MAGEB6: variants seen among roughly 807,000 people sequenced by gnomAD.
MAGEB6 encodes melanoma-associated antigen B6.
For missense variants in MAGEB6, 327 were observed against 329.7 expected (o/e 0.99, Z 0.06); for synonymous variants, 128 against 136.2 (o/e 0.94, Z 0.42).
chrX:26,193,268 A>G (rs371601779), intron 1 of MAGEB6, among the ~76,000 whole-genome samples: 2 of 107,872 alleles, frequency 1.9e-5, no homozygotes, highest in African/African-American at 3.4e-5. Context: ...ATATGTATAC[A>G]TGTGCCATGC....
chrX:26,195,149 CT>C lies in MAGEB6; in HGVS notation c.*80del, dbSNP rs995949310. 9.2e-7 allele frequency: 1 copy of C among 1,086,639 alleles called. No individual in the cohort carries two copies. Among genetic ancestry groups the C allele is most frequent in the Non-Finnish European group, 1.2e-6 (1 of 808,966 alleles). The allele number at this position is 1,086,639 out of a possible 1,213,427, so 89.6% of individuals were successfully genotyped here. A position where few individuals can be genotyped will look rare whatever the true frequency, so the allele number is the denominator to read the frequency against. On this transcript the variant is annotated 3_prime_UTR_variant, in exon 2 of 2. Coordinates refer to ENST00000379034, the MANE Select transcript of MAGEB6 (RefSeq NM_173523.2). ...CAGATCCTCCCATTTCTAGGGAGGT[CT>C]GAAGTAGAATTTTCACTTTATGTTA...
Position 26,194,157 on chromosome X carries a change from A to G in MAGEB6, c.311A>G (p.Gln104Arg). ...ACCTCCCGTGATGCCTCCGTTCCTC[A>G]GGAGTCTCAGGGAGCTTCACCCACT... ...PSTSRDASVP[Q>R]ESQGASPTGS... Residue 104 changes from glutamine to arginine, a missense_variant, in exon 2 of 2, where the codon CAG (glutamine) becomes CGG (arginine). Transcript: ENST00000379034. 5 of 1,172,206 alleles carry G rather than the reference A, an allele frequency of 4.3e-6. No homozygotes were observed. The Middle Eastern group carries it at 1.2e-3, about 276-fold the overall frequency.
At position 26,194,700 on chromosome X, in the gene MAGEB6, C is replaced by T. The variant is rs774043480; in HGVS notation, c.854C>T (p.Ser285Leu). 7 of 1,211,250 alleles carry T rather than the reference C, an allele frequency of 5.8e-6. No individual in the cohort carries two copies. Among genetic ancestry groups the T allele is most frequent in the South Asian group, 3.5e-5 (2 of 56,930 alleles). ...ILSGDNALPK[S>L]GLLMSLLVVI... is the part of the protein sequence containing the mutation. Reference sequence around the variant, plus strand: ...AGTGGTGATAATGCGCTGCCGAAGTCGGGTCTCCTGATGTCGCTCCTGGTT... The same window carrying T: ...AGTGGTGATAATGCGCTGCCGAAGTTGGGTCTCCTGATGTCGCTCCTGGTT... Residue 285 changes from serine to leucine, a missense_variant, in exon 2 of 2, where the codon TCG becomes TTG. Ser to Leu is a moderately radical substitution (Grantham distance 145). Transcript: ENST00000379034.
In MAGEB6 at chrX:26,193,980, C is replaced by A; in HGVS notation, c.134C>A (p.Ser45Tyr). ...QEESHSSSSS[S>Y]RACLGDCRRS... Reference sequence around the variant, plus strand: ...GAGTCCCACTCTTCCTCATCCTCTTCTCGCGCTTGTCTGGGTGATTGTCGT... The same window carrying A: ...GAGTCCCACTCTTCCTCATCCTCTTATCGCGCTTGTCTGGGTGATTGTCGT... The change falls in exon 2 of 2, where the codon TCT becomes TAT. Residue 45 changes from serine to tyrosine, a missense_variant. Ser to Tyr is a moderately radical substitution (Grantham distance 144). Coordinates refer to ENST00000379034, the MANE Select transcript of MAGEB6 (RefSeq NM_173523.2). The A allele has an allele frequency of 8.3e-7, 1 of 1,211,835 alleles. No homozygotes were observed. Among genetic ancestry groups the A allele is most frequent in the South Asian group, 1.8e-5 (1 of 56,941 alleles).
At position 26,194,528 on chromosome X, in the gene MAGEB6, G is replaced by C. The variant is rs1394199596; in HGVS notation, c.682G>C (p.Glu228Gln). Residue 228 changes from glutamate (E) to glutamine (Q), a missense_variant, in exon 2 of 2, where the codon GAG (glutamate) becomes CAG (glutamine). Coordinates refer to ENST00000379034, the MANE Select transcript of MAGEB6 (RefSeq NM_173523.2). Reference sequence around the variant, plus strand: ...AGACATGCTGAAGTGTGTCCGCAGAGAGTACAAGCCCTACTTCCCTCAGAT... The same window carrying C: ...AGACATGCTGAAGTGTGTCCGCAGACAGTACAAGCCCTACTTCCCTCAGAT... ...KADMLKCVRR[E>Q]YKPYFPQILN... is the part of the protein sequence containing the mutation. 1 of 1,211,688 alleles carries C rather than the reference G, an allele frequency of 8.3e-7. No individual in the cohort carries two copies. The highest frequency in any genetic ancestry group is 1.8e-5 in the South Asian group (1 of 56,925).
At position 26,194,107 on chromosome X, in the gene MAGEB6, C is replaced by T. The variant is rs766167073; in HGVS notation, c.261C>T (p.Asn87=). 2 of 1,201,064 alleles carry T rather than the reference C, an allele frequency of 1.7e-6. No individual in the cohort carries two copies. Among genetic ancestry groups the T allele is most frequent in the Non-Finnish European group, 2.2e-6 (2 of 890,318 alleles). Residue 87 remains asparagine, a synonymous_variant, in exon 2 of 2, where the codon AAC becomes AAT. Transcript: ENST00000379034. ...VSYSKSDVAA[N]GQDEKSPSTS... is the part of the protein sequence containing the mutation. ...ATTCAAAATCCGATGTGGCTGCCAACGGCCAAGATGAGAAAAGTCCAAGCA... is the reference window on the plus strand; with the variant it reads ...ATTCAAAATCCGATGTGGCTGCCAATGGCCAAGATGAGAAAAGTCCAAGCA...
In MAGEB6 at chrX:26,194,266, T is replaced by G; in HGVS notation, c.420T>G (p.His140Gln). ...ATGAGAAAAGTCCAAGCACTTCCCA[T>G]GATGTCTCCGTTCCTCAGGAGTCTC... ...GQDEKSPSTS[H>Q]DVSVPQESQG... Residue 140 changes from histidine (H) to glutamine (Q), a missense_variant, in exon 2 of 2, where the codon CAT becomes CAG. By Grantham distance (24) the His-to-Gln change is conservative (BLOSUM62 0). Transcript: ENST00000379034. The G allele has an allele frequency of 8.3e-7, 1 of 1,207,716 alleles. No individual in the cohort carries two copies. The highest frequency in any genetic ancestry group is 1.1e-6 in the Non-Finnish European group (1 of 894,313).
chrX:26,193,675 G>T, intron 1 of MAGEB6, 111 bp from the exon 2 acceptor site: 1 of 421,569 alleles, frequency 2.4e-6, no homozygotes, highest in East Asian at 3.9e-5. Context: ...GGAGTCCTGT[G>T]GGTTCCTAGA....
In MAGEB6 at chrX:26,194,411, C is replaced by T. The variant is rs142927857; in HGVS notation, c.565C>T (p.Arg189Cys). 499 of 1,210,355 alleles carry T rather than the reference C, an allele frequency of 4.1e-4. No homozygotes were observed. Among genetic ancestry groups the T allele is most frequent in the Non-Finnish European group, 5.2e-4 (464 of 895,332 alleles). The change falls in exon 2 of 2, where the codon CGC becomes TGC. Residue 189 changes from arginine (R) to cysteine (C), a missense_variant. Physicochemically the swap from Arg to Cys is radical, Grantham distance 180. Transcript: ENST00000379034. ...CTCACAGAAAGCCATCATTTTTAAG[C>T]GCTTAAGCAAAGATGCTGTAAAGAA... ...SASQKAIIFK[R>C]LSKDAVKKKA...
chrX:26,193,757 T>C (rs1929143451), intron 1 of MAGEB6, 29 bp from the exon 2 acceptor site: 1 of 1,015,264 alleles, frequency 9.8e-7, no homozygotes, highest in South Asian at 2.5e-5. Flanking sequence ...GCTGAAGATA[T>C]TGACGTGACG....
chrX:26,194,123 A>G lies in MAGEB6; in HGVS notation c.277A>G (p.Ser93Gly). ...GGCTGCCAACGGCCAAGATGAGAAA[A>G]GTCCAAGCACCTCCCGTGATGCCTC... ...DVAANGQDEK[S>G]PSTSRDASVP... The change falls in exon 2 of 2, where the codon AGT becomes GGT. Residue 93 changes from serine (S) to glycine (G), a missense_variant. By Grantham distance (56) the Ser-to-Gly change is moderately conservative. Transcript: ENST00000379034. The G allele has an allele frequency of 8.4e-7, 1 of 1,196,581 alleles. No individual in the cohort carries two copies. The highest frequency in any genetic ancestry group is 1.1e-6 in the Non-Finnish European group (1 of 885,373).
Position 26,195,025 on chromosome X carries a change from C to T in MAGEB6, c.1179C>T (p.Asp393=), listed in dbSNP as rs759811799. ...GTTTATACCCACATCTGTATGAAGA[C>T]GCTTTGATAGATGAGGTAGAGAGAG... is the stretch of plus-strand genomic sequence containing the variant. ...SPGLYPHLYE[D]ALIDEVERAL... The change falls in exon 2 of 2, where the codon GAC becomes GAT. Residue 393 remains aspartate, a synonymous_variant. Coordinates refer to ENST00000379034, the MANE Select transcript of MAGEB6 (RefSeq NM_173523.2). The T allele has an allele frequency of 6.5e-5, 79 of 1,209,023 alleles. No individual in the cohort carries two copies. Among genetic ancestry groups the T allele is most frequent in the Admixed American group, 2.4e-4 (11 of 45,633 alleles).
Position 26,194,931 on chromosome X carries a change from G to A in MAGEB6, c.1085G>A (p.Arg362Gln), listed in dbSNP as rs1460744764. The change falls in exon 2 of 2, where the codon CGA becomes CAA. Residue 362 changes from arginine (R) to glutamine (Q), a missense_variant. Arg to Gln is a conservative substitution (Grantham distance 43, BLOSUM62 1). Coordinates refer to ENST00000379034, the MANE Select transcript of MAGEB6 (RefSeq NM_173523.2). ...PPCYEFLWGPRAYAETTKMRV... is the reference protein window; with the variant it reads ...PPCYEFLWGPQAYAETTKMRV... ...TGCTATGAGTTCCTGTGGGGTCCAC[G>A]AGCCTATGCTGAAACCACCAAGATG... The A allele has an allele frequency of 5.0e-6, 6 of 1,209,956 alleles. No homozygotes were observed. The highest frequency in any genetic ancestry group is 5.9e-5 in the East Asian group (2 of 33,773).
rs1292577559 is a variant in MAGEB6 at position 26,195,626 on chromosome X, T to A, written c.*556T>A. 1 of 124,211 alleles carries A rather than the reference T, an allele frequency of 8.1e-6. No individual in the cohort carries two copies. Among genetic ancestry groups the A allele is most frequent in the Non-Finnish European group, 1.9e-5 (1 of 53,791 alleles). 10.2% of individuals were successfully genotyped at this position (124,211 alleles called of 1,213,427 possible). A position where few individuals can be genotyped will look rare whatever the true frequency, so the allele number is the denominator to read the frequency against. ...TATTTCTTTTCATACAAATAAAGGA[T>A]ACCTGGATTTATTTAGGTTATTAAG... On this transcript the variant is annotated 3_prime_UTR_variant, in exon 2 of 2. Transcript: ENST00000379034.
chrX:26,195,255 A>T lies in MAGEB6; in HGVS notation c.*185A>T. On this transcript the variant is annotated 3_prime_UTR_variant, in exon 2 of 2. Transcript: ENST00000379034. ...AAGATATGTATCTTTCTTTTGTTAC[A>T]CATGAGTAACTTGCAGATTTATGTT... The T allele has an allele frequency of 3.1e-6, 1 of 321,845 alleles. No individual in the cohort carries two copies. The highest frequency in any genetic ancestry group is 5.0e-6 in the Non-Finnish European group (1 of 200,222). The allele number at this position is 321,845 out of a possible 1,213,427, so 26.5% of individuals were successfully genotyped here. A position where few individuals can be genotyped will look rare whatever the true frequency, so the allele number is the denominator to read the frequency against.
In MAGEB6 at chrX:26,193,821, A is replaced by G; in HGVS notation, c.-26A>G. 3 of 1,147,471 alleles carry G rather than the reference A, an allele frequency of 2.6e-6. No homozygotes were observed. The highest frequency in any genetic ancestry group is 2.3e-6 in the Non-Finnish European group (2 of 865,729). 94.6% of individuals were successfully genotyped at this position (1,147,471 alleles called of 1,213,427 possible). A position where few individuals can be genotyped will look rare whatever the true frequency, so the allele number is the denominator to read the frequency against. ...TCCTAGTCTTCCTACCCACACTCCT[A>G]CCTGCTGTCACAGGCCACAGCCATC... On this transcript the variant is annotated 5_prime_UTR_variant, in exon 2 of 2. Coordinates refer to ENST00000379034, the MANE Select transcript of MAGEB6 (RefSeq NM_173523.2).
Position 26,195,060 on chromosome X carries a change from T to G in MAGEB6, c.1214T>G (p.Leu405Arg). The G allele has an allele frequency of 8.3e-7, 1 of 1,207,629 alleles. No individual in the cohort carries two copies. The highest frequency in any genetic ancestry group is 1.1e-6 in the Non-Finnish European group (1 of 892,625). Residue 405 changes from leucine (L) to arginine (R), a missense_variant, in exon 2 of 2, where the codon CTG (leucine) becomes CGG (arginine). Transcript: ENST00000379034. ...GATGAGGTAGAGAGAGCATTGAGAC[T>G]GAGAGCTTAAGGCAGGGCTGGCACT... ...LIDEVERALRLRA is the reference protein window; with the variant it reads ...LIDEVERALRRRA
rs1390186690 is a variant in MAGEB6 at position 26,193,998 on chromosome X, A to G, written c.152A>G (p.Asp51Gly). 1 of 1,209,826 alleles carries G rather than the reference A, an allele frequency of 8.3e-7. No homozygotes were observed. The highest frequency in any genetic ancestry group is 1.8e-5 in the African/African-American group (1 of 57,109). ...SSSSSRACLG[D>G]CRRSSDASIP... ...TCCTCTTCTCGCGCTTGTCTGGGTG[A>G]TTGTCGTAGGTCTTCTGATGCCTCC... The change falls in exon 2 of 2, where the codon GAT becomes GGT. Residue 51 changes from aspartate to glycine, a missense_variant. Transcript: ENST00000379034.
At position 26,195,215 on chromosome X, in the gene MAGEB6, G is replaced by A. The variant is rs760647198; in HGVS notation, c.*145G>A. ...GCTTTCTAAGTAGTGCAGTATAGTA[G>A]AGGCTGGAGGGAACAAGATATGTAT... On this transcript the variant is annotated 3_prime_UTR_variant, in exon 2 of 2. Transcript: ENST00000379034. The A allele has an allele frequency of 2.2e-4, 140 of 627,904 alleles. 1 individual carries two copies. The Admixed American group carries it at 5.2e-3, about 23-fold the overall frequency. The allele number at this position is 627,904 out of a possible 1,213,427, so 51.7% of individuals were successfully genotyped here. A position where few individuals can be genotyped will look rare whatever the true frequency, so the allele number is the denominator to read the frequency against.
Sources: allele counts gnomAD v4.1 joint callset (sites outside exome capture counted in the v4.1 genomes callset), GRCh38; gene constraint gnomAD v4.1.1; transcripts MANE v1.5; gene names NCBI Gene and HGNC (gene_info 2026-07-23, HGNC 2026-07-21).